Variants in POLR3E observed in about 807,000 individuals in gnomAD.
POLR3E encodes the protein DNA-directed RNA polymerase III subunit RPC5.
Under a neutral mutation model 96.6 loss-of-function variants are expected in POLR3E, and 41 were observed. The observed-to-expected ratio is 0.42, with a 90% CI of 0.33 to 0.55. POLR3E has a LOEUF of 0.55. Among genes scored for constraint, POLR3E ranks in the 20% least tolerant of loss-of-function variants. The pLI, the probability that POLR3E is intolerant of heterozygous loss-of-function variation, is 0.06. For missense variants in POLR3E, 849 were observed against 952.1 expected, an observed-to-expected ratio of 0.89 and a Z score of 1.43; for synonymous variants, 396 against 383.6, an observed-to-expected ratio of 1.03 and a Z score of -0.38.
At chr16:22,299,485 C>T (rs1039612397) in intron 1 of POLR3E, among the ~76,000 whole-genome samples, 2 of 147,416 alleles carry the variant, frequency 1.4e-5, no homozygotes, top group Non-Finnish European at 3.0e-5. Context: ...AAGATCTCGG[C>T]TCACTGCAAC....
At chr16:22,331,543 T>A (rs2048741309) in intron 19 of POLR3E, 1 of 152,804 alleles carries the variant, frequency 6.5e-6, no homozygotes, top group Admixed American at 6.5e-5. Flanking sequence ...ATGACAGATA[T>A]TAGACATACT....
At position 22,324,403 on chromosome 16, in the gene POLR3E, C is replaced by T. The variant is rs1339988559; in HGVS notation, c.1118C>T (p.Thr373Ile). The T allele has an allele frequency of 7.4e-6, 12 of 1,612,514 alleles. No homozygotes were observed. The highest frequency in any genetic ancestry group is 3.3e-5 in the Admixed American group (2 of 59,962). Residue 373 changes from threonine to isoleucine, a missense_variant, in exon 15 of 21, where the codon ACC (threonine) becomes ATC (isoleucine). Transcript: ENST00000299853. ...TGGGTGGTTAGGAAAGAGGTGGCAA[C>T]CGTGACCAAAGTAAGTGGCGTTTTT... The part of the protein sequence containing the change: ...SRWVVRKEVA[T>I]VTKLCAEDVK...
chr16:22,332,649 C>T (rs1316178198), intron 20 of POLR3E, among the ~76,000 whole-genome samples: 1 of 152,168 alleles, frequency 6.6e-6, no homozygotes, highest in East Asian at 1.9e-4. Context: ...AGAATCCTCA[C>T]TCTACTCTCC....
At chr16:22,297,652 G>A (rs1012457434) in intron 1 of POLR3E, 115 bp downstream of exon 1, 1 of 152,666 alleles carries the variant, frequency 6.6e-6, no homozygotes, top group African/African-American at 2.4e-5. Context: ...GCTGTGCCTA[G>A]CAGCTGGAGG....
Position 22,316,601 on chromosome 16 carries a change from G to T in POLR3E, c.643G>T (p.Asp215Tyr), listed in dbSNP as rs1201308693. The change falls in exon 10 of 21, where the codon GAC becomes TAC. Residue 215 changes from aspartate to tyrosine, a missense_variant and splice_region_variant. Transcript: ENST00000299853. ...WVHLHYYGLR[D>Y]SRSEHERQYL... ...CTCACACCCTGCCCTCCTCCAACAG[G>T]ACAGTCGCTCTGAGCATGAGCGTCA... 6.2e-7 allele frequency: 1 copy of T among 1,613,228 alleles called. No homozygotes were observed. Among genetic ancestry groups the T allele is most frequent in the Non-Finnish European group, 8.5e-7 (1 of 1,179,266 alleles).
At position 22,333,722 on chromosome 16, in the gene POLR3E, C is replaced by A; in HGVS notation, c.*22C>A. On this transcript the variant is annotated 3_prime_UTR_variant, in exon 21 of 21. Coordinates refer to ENST00000299853, the MANE Select transcript of POLR3E (RefSeq NM_018119.4). ...TTGACAATAGTAGCAAACTACTAAC[C>A]CAGCAAATCTAAGCCCAAGGAAGAA... The A allele has an allele frequency of 6.4e-7, 1 of 1,556,208 alleles. No individual in the cohort carries two copies. Among genetic ancestry groups the A allele is most frequent in the Non-Finnish European group, 8.9e-7 (1 of 1,127,304 alleles).
At position 22,310,622 on chromosome 16, in the gene POLR3E, T is replaced by TAAAAA. The variant is rs60232148; in HGVS notation, c.364+1125_364+1129dup. ...TTTTTAGTAGAAAGTTTAAAAAGTT[T>TAAAAA]AAAAAAAAAAAAAAAAAGGTAAAAA... On this transcript the variant is annotated intron_variant, in intron 6 of 20. Coordinates refer to ENST00000299853, the MANE Select transcript of POLR3E (RefSeq NM_018119.4). Among the ~76,000 whole-genome samples the TAAAAA allele has an allele frequency of 1.3e-3, 185 of 137,628 alleles. 1 individual carries two copies. Among genetic ancestry groups the TAAAAA allele is most frequent in the Non-Finnish European group, 3.9e-4 (25 of 64,622 alleles). The allele number at this position is 137,628 out of a possible 152,430, so 90.3% of individuals were successfully genotyped here. A position where few individuals can be genotyped will look rare whatever the true frequency, so the allele number is the denominator to read the frequency against.
Position 22,328,893 on chromosome 16 carries a change from A to C in POLR3E, c.1944+306A>C, listed in dbSNP as rs571789737. ...GTAATCCCAGCACTTTGGGAGGCCA[A>C]GGTGGGTGGATCACCTGAGGTTGGG... On this transcript the variant is annotated intron_variant, in intron 19 of 20. Transcript: ENST00000299853. 4.5e-4 allele frequency: 147 copies of C among 324,726 alleles called. 1 individual carries two copies. The East Asian group carries it at 4.9e-3, about 11-fold the overall frequency. 20.1% of individuals were successfully genotyped at this position (324,726 alleles called of 1,614,324 possible).
At chr16:22,327,429 G>A (rs747620117) in intron 18 of POLR3E, 1 of 152,312 alleles carries the variant, frequency 6.6e-6, no homozygotes, top group Non-Finnish European at 1.5e-5. Context: ...ACACCTGCCT[G>A]ACATTAGTTG....
chr16:22,325,118 C>T (rs2048551793), intron 16 of POLR3E, 87 bp from the exon 17 acceptor site: 1 of 1,019,232 alleles, frequency 9.8e-7, no homozygotes, highest in Non-Finnish European at 1.6e-6. Context: ...ACCAGCGTGT[C>T]CTGGGGCCTA....
Position 22,328,494 on chromosome 16 carries a change from C to T in POLR3E, c.1867-16C>T. On this transcript the variant is annotated splice_polypyrimidine_tract_variant and intron_variant, in intron 18 of 20. Coordinates refer to ENST00000299853, the MANE Select transcript of POLR3E (RefSeq NM_018119.4). ...GGTAGAGATGGACAAGCAACTCACCCCTGGGCCTTGGTCAGTTTCCCCCCC... is the reference window on the plus strand; with the variant it reads ...GGTAGAGATGGACAAGCAACTCACCTCTGGGCCTTGGTCAGTTTCCCCCCC... The T allele has an allele frequency of 6.2e-7, 1 of 1,611,254 alleles. No homozygotes were observed.
chr16:22,300,075 C>T lies in POLR3E; in HGVS notation c.-39+2538C>T, dbSNP rs572128250. ...AGACTTGGAGGTAGGTATAAGGAGC[C>T]GTAGGGAGACTTGGATGAGTGCTTT... On this transcript the variant is annotated intron_variant, in intron 1 of 20. Transcript: ENST00000299853. 6.4e-4 allele frequency among the ~76,000 whole-genome samples: 97 copies of T among 152,164 alleles called. 1 individual carries two copies. The highest frequency in any genetic ancestry group is 1.1e-3 in the Non-Finnish European group (76 of 68,000).
chr16:22,305,450 C>T (rs750693105), intron 3 of POLR3E: 11 of 682,970 alleles, frequency 1.6e-5, no homozygotes, highest in South Asian at 1.2e-4. Context: ...GGGGTCAGAC[C>T]GGATTGAGAT....
intron 3 of POLR3E, among the ~76,000 whole-genome samples, chr16:22,306,870 G>A (rs1042077662): frequency 1.3e-5 from 2 of 152,222 alleles, no homozygotes; most frequent in African/African-American, 2.4e-5. Flanking sequence ...TGAGGCACAG[G>A]GAGGCCTTCA....
chr16:22,328,407 C>T (rs2048656748), intron 18 of POLR3E, 103 bp from the exon 19 acceptor site: 2 of 950,096 alleles, frequency 2.1e-6, no homozygotes, highest in Non-Finnish European at 3.4e-6. Context: ...GATTGGAACC[C>T]ATGTTCCTGC....
chr16:22,307,523 A>T (rs1489966325), intron 3 of POLR3E, among the ~76,000 whole-genome samples: 30 of 152,144 alleles, frequency 2.0e-4, no homozygotes, highest in Admixed American at 2.0e-3. Flanking sequence ...TACTGTGAGG[A>T]CAGATGTGGA....
rs1256899038 is a variant in POLR3E at position 22,313,305 on chromosome 16, C to T, written c.365-315C>T. 6.6e-6 allele frequency among the ~76,000 whole-genome samples: 1 copy of T among 152,200 alleles called. No homozygotes were observed. Among genetic ancestry groups the T allele is most frequent in the Non-Finnish European group, 1.5e-5 (1 of 68,036 alleles). On this transcript the variant is annotated intron_variant, in intron 6 of 20. Coordinates refer to ENST00000299853, the MANE Select transcript of POLR3E (RefSeq NM_018119.4). The surrounding 1 kb of genome is among the most constrained non-coding windows in gnomAD (Gnocchi z 4.1). The stretch of plus-strand genomic sequence containing the variant: ...GGCGAATTTGATGAGGATTAGCTGC[C>T]TAGTGTTGCAAAGCGAGCAGCTGGG...
intron 13 of POLR3E, among the ~76,000 whole-genome samples, chr16:22,320,223 AT>A (rs1338415071): frequency 1.3e-5 from 2 of 151,958 alleles, no homozygotes; most frequent in Non-Finnish European, 2.9e-5. Context: ...TAGTGTTCCA[AT>A]TTTAGTATAT....
intron 3 of POLR3E, among the ~76,000 whole-genome samples, chr16:22,307,128 C>T (rs780574278): frequency 6.6e-6 from 1 of 152,172 alleles, no homozygotes; most frequent in Non-Finnish European, 1.5e-5. Flanking sequence ...CTCACAGCGG[C>T]CTTGGGAGGT....
Sources: allele counts gnomAD v4.1 joint callset (sites outside exome capture counted in the v4.1 genomes callset), GRCh38; gene constraint gnomAD v4.1.1; non-coding constraint Gnocchi (gnomAD v3.1); transcripts MANE v1.5; gene names NCBI Gene and HGNC (gene_info 2026-07-23, HGNC 2026-07-21).